The following SCOC variants were observed in gnomAD, a reference collection of about 807,000 sequenced individuals.
SCOC encodes short coiled-coil protein, also known as short coiled coil protein.
SCOC carries 7 observed loss-of-function variants against 9.9 expected under a neutral mutation model. The ratio of observed to expected loss-of-function variants is 0.71; its 90% CI spans 0.40 to 1.33. The LOEUF (loss-of-function observed/expected upper bound fraction) is 1.33. Ranked by LOEUF, SCOC falls within the 40% of genes most tolerant of loss-of-function variation. The pLI is 0.01. For missense variants in SCOC, 66 were observed against 89.7 expected, an observed-to-expected ratio of 0.74 and a Z score of 1.07; for synonymous variants, 19 against 28.2, an observed-to-expected ratio of 0.67 and a Z score of 1.03.
intron 1 of SCOC, among the ~76,000 whole-genome samples, chr4:140,259,207 A>T (rs1730575795): frequency 6.6e-6 from 1 of 152,218 alleles, no homozygotes; most frequent in Non-Finnish European, 1.5e-5. Flanking sequence ...CAAGATGAAA[A>T]AGGATGCCCA....
intron 1 of SCOC, among the ~76,000 whole-genome samples, chr4:140,307,101 C>G (rs978276724): frequency 1.3e-5 from 2 of 152,194 alleles, no homozygotes; most frequent in African/African-American, 4.8e-5. Context: ...AAGGATGCAG[C>G]AAGAAGGGGC....
intron 2 of SCOC, among the ~76,000 whole-genome samples, chr4:140,368,156 C>T (rs2126573141): frequency 6.6e-6 from 1 of 152,280 alleles, no homozygotes; most frequent in East Asian, 1.9e-4. Context: ...GGAATGAATT[C>T]AATCTAGGCT....
intron 2 of SCOC, chr4:140,343,758 GTTT>G: frequency 7.8e-7 from 1 of 1,274,604 alleles, no homozygotes; most frequent in African/African-American, 1.5e-5. Context: ...CAACAGCTCA[GTTT>G]TTTAAAAATA....
intron 1 of SCOC, among the ~76,000 whole-genome samples, chr4:140,335,178 G>A (rs1732924157): frequency 6.6e-6 from 1 of 152,144 alleles, no homozygotes; most frequent in African/African-American, 2.4e-5. Flanking sequence ...TAATCAGATT[G>A]TGTATTTTAA....
At chr4:140,358,825 A>G (rs1460551279) in intron 2 of SCOC, among the ~76,000 whole-genome samples, 1 of 152,246 alleles carries the variant, frequency 6.6e-6, no homozygotes, top group Non-Finnish European at 1.5e-5. Flanking sequence ...TCACCATTCC[A>G]TTTTAATCAC....
At chr4:140,380,194 CTTTTTTTTTTTT>C (rs993271002) in intron 3 of SCOC, among the ~76,000 whole-genome samples, 1 of 108,420 alleles carries the variant, frequency 9.2e-6, no homozygotes, top group African/African-American at 3.6e-5. Flanking sequence ...TTTTCTTTTT[CTTTTTTTTTTTT>C]TTTTTTTTTG....
intron 1 of SCOC, among the ~76,000 whole-genome samples, chr4:140,276,630 C>T (rs1191784028): frequency 6.6e-6 from 1 of 151,188 alleles, no homozygotes; most frequent in Non-Finnish European, 1.5e-5. Context: ...TAATTTTTTG[C>T]ATTTTTAGTA....
chr4:140,272,988 G>A (rs535056283), intron 1 of SCOC, among the ~76,000 whole-genome samples: 31 of 152,160 alleles, frequency 2.0e-4, no homozygotes, highest in African/African-American at 3.6e-4. Flanking sequence ...CTAACCTTCC[G>A]CCATGTTCAG....
At chr4:140,271,269 C>G (rs985593774) in intron 1 of SCOC, among the ~76,000 whole-genome samples, 5 of 152,022 alleles carry the variant, frequency 3.3e-5, no homozygotes, top group African/African-American at 4.8e-5. Flanking sequence ...CTGGGCAAAA[C>G]TGGGGAGAAA....
chr4:140,366,991 A>T, intron 2 of SCOC: 1 of 421,448 alleles, frequency 2.4e-6, no homozygotes, highest in South Asian at 2.4e-5. Flanking sequence ...GGATCGCTTG[A>T]GGTCAGGAGT....
At chr4:140,292,101 T>C (rs1216011018) in intron 1 of SCOC, among the ~76,000 whole-genome samples, 4 of 152,018 alleles carry the variant, frequency 2.6e-5, no homozygotes, top group Non-Finnish European at 5.9e-5. Flanking sequence ...AGCATCCTCA[T>C]TGACTGACCA....
At chr4:140,281,142 T>C (rs1404364516) in intron 1 of SCOC, among the ~76,000 whole-genome samples, 1 of 152,090 alleles carries the variant, frequency 6.6e-6, no homozygotes, top group African/African-American at 2.4e-5. Flanking sequence ...CAGAGCGTGT[T>C]CCTCTGGGCA....
intron 1 of SCOC, among the ~76,000 whole-genome samples, chr4:140,328,033 G>A (rs926183972): frequency 6.6e-6 from 1 of 152,194 alleles, no homozygotes; most frequent in African/African-American, 2.4e-5. Flanking sequence ...CACCAGCCAC[G>A]TAGTCCTTGG....
At chr4:140,276,746 C>G (rs903190410) in intron 1 of SCOC, among the ~76,000 whole-genome samples, 1 of 152,000 alleles carries the variant, frequency 6.6e-6, no homozygotes, top group African/African-American at 2.4e-5. Flanking sequence ...CGTGAGCCAC[C>G]TCGGCCAGCC....
chr4:140,342,596 A>T (rs1484759305), upstream of SCOC, among the ~76,000 whole-genome samples: 2 of 151,158 alleles, frequency 1.3e-5, no homozygotes, highest in Non-Finnish European at 2.9e-5. Flanking sequence ...TTGCCTGAAT[A>T]AAAAAAATAT....
At chr4:140,341,048 G>T (rs534719213), upstream of SCOC, among the ~76,000 whole-genome samples, 1 of 151,418 alleles carries the variant, frequency 6.6e-6, no homozygotes, top group Non-Finnish European at 1.5e-5. Flanking sequence ...CACCCGCCTC[G>T]GCCTCCCAAA....
chr4:140,295,160 T>C (rs1420769943), intron 1 of SCOC, among the ~76,000 whole-genome samples: 1 of 152,170 alleles, frequency 6.6e-6, no homozygotes. Flanking sequence ...GAGATTTTAG[T>C]AGTATATTTC....
At chr4:140,303,860 A>G (rs930857668) in intron 1 of SCOC, among the ~76,000 whole-genome samples, 4 of 152,186 alleles carry the variant, frequency 2.6e-5, no homozygotes, top group Admixed American at 2.0e-4. Context: ...AGGGATATAG[A>G]TGATAAAGAA....
intron 2 of SCOC, chr4:140,362,620 G>C (rs191597884): frequency 5.3e-5 from 8 of 151,942 alleles, no homozygotes; most frequent in African/African-American, 1.7e-4. Context: ...TGTAGGGTTT[G>C]GTCAAATAGT....
Sources: gnomAD v4.1 joint callset for allele counts (sites outside exome capture counted in the v4.1 genomes callset) on GRCh38, gnomAD v4.1.1 for gene constraint, MANE v1.5 for transcripts, NCBI Gene and HGNC (gene_info 2026-07-23, HGNC 2026-07-21) for gene names.